ERBB4: variants seen among roughly 807,000 people sequenced by gnomAD.
ERBB4 encodes the protein receptor tyrosine-protein kinase erbB-4.
In ERBB4, 42 loss-of-function variants were observed where a neutral mutation model predicts 158.0. The observed-to-expected ratio is 0.27, with a 90% CI of 0.21 to 0.34. The LOEUF (loss-of-function observed/expected upper bound fraction) is 0.34, where lower values mean the gene tolerates loss of function less well. Ranked by LOEUF, ERBB4 falls within the 10% of genes least tolerant of loss-of-function variation. The pLI, the probability that ERBB4 is intolerant of heterozygous loss-of-function variation, is 1.00. For synonymous variants in ERBB4, 583 were observed against 558.7 expected, an observed-to-expected ratio of 1.04 and a Z score of -0.61; for missense variants, 1,333 against 1,624.1, an observed-to-expected ratio of 0.82 and a Z score of 3.08.
At chr2:212,513,197 T>C (rs1189672037) in intron 1 of ERBB4, among the ~76,000 whole-genome samples, 1 of 152,200 alleles carries the variant, frequency 6.6e-6, no homozygotes, top group African/African-American at 2.4e-5. Flanking sequence ...AATAAACTCC[T>C]GATGCCTTTA....
chr2:211,441,601 C>T (rs1348424156), intron 20 of ERBB4, among the ~76,000 whole-genome samples: 1 of 152,066 alleles, frequency 6.6e-6, no homozygotes, highest in African/African-American at 2.4e-5. Context: ...AGTTGTTGAA[C>T]CCACAGTTGA....
At chr2:212,171,475 G>A (rs535156276) in intron 1 of ERBB4, among the ~76,000 whole-genome samples, 12 of 152,086 alleles carry the variant, frequency 7.9e-5, no homozygotes, top group African/African-American at 1.2e-4. Flanking sequence ...AATGTAAAAC[G>A]GATGTGAAAT....
At chr2:212,179,214 G>A (rs1370956212) in intron 1 of ERBB4, among the ~76,000 whole-genome samples, 1 of 151,548 alleles carries the variant, frequency 6.6e-6, no homozygotes. Flanking sequence ...TGACATTGTT[G>A]AGTAAAGTTC....
intron 1 of ERBB4, among the ~76,000 whole-genome samples, chr2:212,145,727 TAAAAAAAA>T (rs5838300): frequency 0.12 from 11,009 of 88,960 alleles, 1,036 homozygotes; most frequent in African/African-American, 0.28. Context: ...CAGCATGCAG[TAAAAAAAA>T]AAAAAAAAAA....
intron 1 of ERBB4, among the ~76,000 whole-genome samples, chr2:212,153,903 A>G (rs1268959637): frequency 6.6e-6 from 1 of 151,972 alleles, no homozygotes; most frequent in East Asian, 1.9e-4. Context: ...AAGGCAGATT[A>G]TGAAACTGTA....
At chr2:212,177,062 C>A (rs994234463) in intron 1 of ERBB4, among the ~76,000 whole-genome samples, 5 of 151,466 alleles carry the variant, frequency 3.3e-5, no homozygotes, top group African/African-American at 1.2e-4. Flanking sequence ...AATGAAAATA[C>A]CCATAAGTAT....
intron 1 of ERBB4, among the ~76,000 whole-genome samples, chr2:212,225,122 T>C (rs1485214937): frequency 6.6e-6 from 1 of 151,946 alleles, no homozygotes; most frequent in Admixed American, 6.6e-5. Context: ...CCCTTTTTCC[T>C]CCTAGGATTT....
chr2:211,562,316 T>C (rs926847015), intron 19 of ERBB4, among the ~76,000 whole-genome samples: 1 of 152,364 alleles, frequency 6.6e-6, no homozygotes, highest in East Asian at 1.9e-4. Flanking sequence ...GAAGCTGTTA[T>C]ACAATAACTG....
chr2:211,539,884 C>T lies in ERBB4; in HGVS notation c.2487+22019G>A, dbSNP rs538704786. ...AATTTTTGAAGACATTTCCATTGCT[C>T]GTTGCACTTTACATAGCCTCCATTC... On this transcript the variant is annotated intron_variant, in intron 20 of 27. Coordinates refer to ENST00000342788, the MANE Select transcript of ERBB4 (RefSeq NM_005235.3). Among the ~76,000 whole-genome samples the T allele has an allele frequency of 2.4e-4, 37 of 152,092 alleles. 1 individual carries two copies. The South Asian group carries it at 7.0e-3, about 29-fold the overall frequency.
At chr2:211,952,711 T>C (rs531656502) in intron 2 of ERBB4, among the ~76,000 whole-genome samples, 1 of 152,132 alleles carries the variant, frequency 6.6e-6, no homozygotes, top group Admixed American at 6.6e-5. Context: ...AGTTTCTTCA[T>C]CTTTAAGAAA....
chr2:212,507,806 G>A (rs1036046077), intron 1 of ERBB4, among the ~76,000 whole-genome samples: 8 of 152,154 alleles, frequency 5.3e-5, no homozygotes, highest in Non-Finnish European at 7.4e-5. Context: ...AAATGACAAC[G>A]AAAGATTTAC....
At chr2:211,714,210 T>C (rs2073821102) in intron 7 of ERBB4, among the ~76,000 whole-genome samples, 1 of 152,218 alleles carries the variant, frequency 6.6e-6, no homozygotes, top group Admixed American at 6.5e-5. Flanking sequence ...AAGGAGCAGT[T>C]TGTTACCCAA....
chr2:211,526,681 A>G (rs1574674470), intron 20 of ERBB4, among the ~76,000 whole-genome samples: 1 of 152,184 alleles, frequency 6.6e-6, no homozygotes, highest in Non-Finnish European at 1.5e-5. Flanking sequence ...AGGAAACTCA[A>G]AGAAATTCAA....
chr2:212,436,822 A>C (rs1023447540), intron 1 of ERBB4, among the ~76,000 whole-genome samples: 7 of 152,072 alleles, frequency 4.6e-5, no homozygotes, highest in African/African-American at 1.7e-4. Flanking sequence ...GGTTAGACTT[A>C]AGTTAAATGC....
chr2:212,198,821 T>A (rs912648623), intron 1 of ERBB4, among the ~76,000 whole-genome samples: 9 of 148,730 alleles, frequency 6.1e-5, no homozygotes, highest in Non-Finnish European at 1.2e-4. Flanking sequence ...TGACCTCACG[T>A]GATCCACCCA....
chr2:211,948,208 G>A (rs910797466), intron 2 of ERBB4, among the ~76,000 whole-genome samples: 2 of 151,900 alleles, frequency 1.3e-5, no homozygotes, highest in Admixed American at 6.6e-5. Context: ...AGGCTGAGGC[G>A]AGTGGATCAT....
chr2:212,484,303 T>C (rs547101936), intron 1 of ERBB4, among the ~76,000 whole-genome samples: 1 of 152,324 alleles, frequency 6.6e-6, no homozygotes, highest in South Asian at 2.1e-4. Context: ...TTGTGGATAG[T>C]AGTTACTTCC....
chr2:211,698,026 A>T (rs2073088250), intron 12 of ERBB4, among the ~76,000 whole-genome samples: 1 of 152,088 alleles, frequency 6.6e-6, no homozygotes, highest in Admixed American at 6.5e-5. Flanking sequence ...TTTAAAAAGG[A>T]ATGAGGAAGG....
At chr2:212,471,373 G>A (rs1489401397) in intron 1 of ERBB4, among the ~76,000 whole-genome samples, 5 of 151,814 alleles carry the variant, frequency 3.3e-5, no homozygotes, top group Non-Finnish European at 5.9e-5. Flanking sequence ...CTGCCAACTA[G>A]ACAAATAGAA....
Sources: gnomAD v4.1 joint callset for allele counts (sites outside exome capture counted in the v4.1 genomes callset) on GRCh38, gnomAD v4.1.1 for gene constraint, MANE v1.5 for transcripts, NCBI Gene and HGNC (gene_info 2026-07-23, HGNC 2026-07-21) for gene names.